Variants in DTNA observed in about 807,000 individuals in gnomAD.
The protein encoded by DTNA is dystrobrevin alpha.
A neutral mutation model predicts 100.7 loss-of-function variants in DTNA; 43 were observed. The observed-to-expected ratio is 0.43, with a 90% CI of 0.33 to 0.55. The LOEUF (loss-of-function observed/expected upper bound fraction) is 0.55, where lower values mean the gene tolerates loss of function less well. DTNA is among the 20% of genes least tolerant of loss of function. The pLI, the probability that DTNA is intolerant of heterozygous loss-of-function variation, is 0.04. For synonymous variants in DTNA, 349 were observed against 347.9 expected, an observed-to-expected ratio of 1.00 and a Z score of -0.04; for missense variants, 798 against 953.9, an observed-to-expected ratio of 0.84 and a Z score of 2.15.
chr18:34,514,313 G>T (rs1167376747), intron 1 of DTNA, among the ~76,000 whole-genome samples: 1 of 152,090 alleles, frequency 6.6e-6, no homozygotes, highest in Non-Finnish European at 1.5e-5. Flanking sequence ...GTTGGGGGGA[G>T]TGAAAACACA....
At chr18:34,608,329 G>A (rs1350585135) in intron 1 of DTNA, among the ~76,000 whole-genome samples, 2 of 152,050 alleles carry the variant, frequency 1.3e-5, no homozygotes, top group African/African-American at 2.4e-5. Context: ...CAGGAAGAAA[G>A]ATTTTAAATT....
chr18:34,614,477 C>A (rs988148582), intron 1 of DTNA, among the ~76,000 whole-genome samples: 14 of 152,148 alleles, frequency 9.2e-5, no homozygotes, highest in Admixed American at 7.9e-4. Flanking sequence ...CAAAAAGCTT[C>A]TGGAAAGGAT....
chr18:34,713,963 G>A (rs12961979), intron 1 of DTNA, among the ~76,000 whole-genome samples: 7,756 of 151,938 alleles, frequency 0.051, 314 homozygotes, highest in Non-Finnish European at 0.08. Flanking sequence ...ACAAACCTGA[G>A]AAAAACAAGC....
At chr18:34,528,910 C>A (rs1026835176) in intron 1 of DTNA, among the ~76,000 whole-genome samples, 1 of 152,092 alleles carries the variant, frequency 6.6e-6, no homozygotes, top group African/African-American at 2.4e-5. Context: ...TCACCTGACC[C>A]TGCTCTATAG....
At position 34,585,249 on chromosome 18, in the gene DTNA, A is replaced by G. The variant is rs1179240980; in HGVS notation, c.-2+91735A>G. On this transcript the variant is annotated intron_variant, in intron 1 of 19. Transcript: ENST00000283365. ...AGATTGCCACAAAAAGCATGAGGGT[A>G]CTAAAAAACAACAACAACAACACAA... Among the ~76,000 whole-genome samples, 3 of 152,190 alleles carry G rather than the reference A, an allele frequency of 2.0e-5. No homozygotes were observed. In the East Asian group the frequency reaches 5.8e-4, roughly 29 times the overall value.
At position 34,770,016 on chromosome 18, in the gene DTNA, T is replaced by G. The variant is rs78090712; in HGVS notation, c.148+3975T>G. ...GATTACAGGTGTGAGCCACAACGCCTGGCCTGGGGCCTCTTTTATAAGGGC... is the reference window on the plus strand; with the variant it reads ...GATTACAGGTGTGAGCCACAACGCCGGGCCTGGGGCCTCTTTTATAAGGGC... On this transcript the variant is annotated intron_variant, in intron 3 of 22. Transcript: ENST00000444659. Among the ~76,000 whole-genome samples the G allele has an allele frequency of 2.2e-3, 332 of 152,084 alleles. 1 individual carries two copies. The highest frequency in any genetic ancestry group is 4.1e-3 in the South Asian group (20 of 4,822).
intron 3 of DTNA, among the ~76,000 whole-genome samples, chr18:34,770,202 G>C (rs578132147): frequency 6.6e-6 from 1 of 152,090 alleles, no homozygotes. Flanking sequence ...TATTTACTTC[G>C]TAGAAATCAG....
At chr18:34,731,352 G>A (rs866622709) in intron 1 of DTNA, among the ~76,000 whole-genome samples, 20 of 152,010 alleles carry the variant, frequency 1.3e-4, no homozygotes, top group African/African-American at 3.4e-4. Context: ...GGTGGCGGGC[G>A]CCTGTAGTCC....
chr18:34,615,263 G>A (rs1266810715), intron 1 of DTNA, among the ~76,000 whole-genome samples: 2 of 152,144 alleles, frequency 1.3e-5, no homozygotes, highest in African/African-American at 4.8e-5. Flanking sequence ...AATCTCACAA[G>A]AACCCACTAT....
At chr18:34,657,184 A>G (rs1199616592) in intron 1 of DTNA, among the ~76,000 whole-genome samples, 1 of 152,146 alleles carries the variant, frequency 6.6e-6, no homozygotes, top group African/African-American at 2.4e-5. Flanking sequence ...TCCTATTTGT[A>G]AAGTCTTAAT....
chr18:34,555,829 G>T (rs1042876139), intron 1 of DTNA, among the ~76,000 whole-genome samples: 6 of 152,102 alleles, frequency 3.9e-5, no homozygotes, highest in Admixed American at 3.9e-4. Flanking sequence ...GTGTGGTGCT[G>T]AAAAAAATGT....
chr18:34,702,596 G>A (rs2081530421), intron 1 of DTNA, among the ~76,000 whole-genome samples: 1 of 152,104 alleles, frequency 6.6e-6, no homozygotes, highest in South Asian at 2.1e-4. Flanking sequence ...CAGAACCTCA[G>A]CACCTATTCT....
intron 1 of DTNA, among the ~76,000 whole-genome samples, chr18:34,603,060 G>T (rs1598918193): frequency 6.6e-6 from 1 of 150,764 alleles, no homozygotes; most frequent in East Asian, 1.9e-4. Flanking sequence ...AAAAAAGAAA[G>T]AAAGAAAGAA....
At chr18:34,568,644 G>A (rs904046047) in intron 1 of DTNA, among the ~76,000 whole-genome samples, 9 of 150,934 alleles carry the variant, frequency 6.0e-5, no homozygotes, top group Non-Finnish European at 1.0e-4. Context: ...ATTTTTTTGA[G>A]GCAGAGTTTC....
At chr18:34,782,594 A>C (rs1161223263) in intron 3 of DTNA, among the ~76,000 whole-genome samples, 1 of 152,142 alleles carries the variant, frequency 6.6e-6, no homozygotes, top group Admixed American at 6.5e-5. Flanking sequence ...TGGTACCTTG[A>C]GGGATGGTGA....
At chr18:34,784,372 C>A (rs2094440362) in intron 3 of DTNA, among the ~76,000 whole-genome samples, 1 of 152,178 alleles carries the variant, frequency 6.6e-6, no homozygotes, top group African/African-American at 2.4e-5. Context: ...ACAAATTTCT[C>A]TGGTTCTAGG....
chr18:34,828,941 T>A, intron 10 of DTNA: 1 of 1,332,150 alleles, frequency 7.5e-7, no homozygotes, highest in Non-Finnish European at 1.1e-6. Context: ...CCTGATGTGA[T>A]GTTTAGAAAT....
intron 3 of DTNA, among the ~76,000 whole-genome samples, chr18:34,773,932 A>G (rs1477572102): frequency 1.3e-5 from 2 of 152,186 alleles, no homozygotes; most frequent in Non-Finnish European, 2.9e-5. Context: ...GTTTTAGAGA[A>G]TGCCAGAAGC....
chr18:34,547,080 T>C (rs1261203938), intron 1 of DTNA, among the ~76,000 whole-genome samples: 3 of 152,084 alleles, frequency 2.0e-5, no homozygotes, highest in Non-Finnish European at 2.9e-5. Context: ...ATAAGTGTAA[T>C]ATAAGTTACC....
Sources: allele counts gnomAD v4.1 joint callset (sites outside exome capture counted in the v4.1 genomes callset), GRCh38; gene constraint gnomAD v4.1.1; transcripts MANE v1.5; gene names NCBI Gene and HGNC (gene_info 2026-07-23, HGNC 2026-07-21).